USH2A: variants seen among roughly 807,000 people sequenced by gnomAD.
USH2A encodes Usher syndrome 2A (autosomal recessive, mild).
Under a neutral mutation model 538.9 loss-of-function variants are expected in USH2A, and 443 were observed. That is an observed-to-expected ratio of 0.82 (90% CI 0.76 to 0.89). The LOEUF (loss-of-function observed/expected upper bound fraction) is 0.89, where lower values mean the gene tolerates loss of function less well. Ranked by LOEUF, USH2A falls within the 40% of genes least tolerant of loss-of-function variation. The pLI is 0.00. For missense variants in USH2A, 6,633 were observed against 6,324.8 expected, an observed-to-expected ratio of 1.05 and a Z score of -1.65; for synonymous variants, 2,413 against 2,273.5, an observed-to-expected ratio of 1.06 and a Z score of -1.75.
At chr1:215,880,819 C>T (rs906091492) in intron 41 of USH2A, among the ~76,000 whole-genome samples, 4 of 152,214 alleles carry the variant, frequency 2.6e-5, no homozygotes, top group African/African-American at 7.2e-5. Context: ...ACCATTAATA[C>T]TTAGTCCTTG....
intron 11 of USH2A, among the ~76,000 whole-genome samples, chr1:216,259,035 C>T (rs1399795160): frequency 1.3e-5 from 2 of 152,038 alleles, no homozygotes; most frequent in Non-Finnish European, 2.9e-5. Flanking sequence ...GCTTACTATA[C>T]CAGGGAAATG....
At chr1:216,268,583 T>A (rs1007657147) in intron 11 of USH2A, among the ~76,000 whole-genome samples, 6 of 152,144 alleles carry the variant, frequency 3.9e-5, no homozygotes, top group Non-Finnish European at 8.8e-5. Context: ...TTGATGGATG[T>A]GGGGCAGTAC....
chr1:216,007,719 A>G (rs1668441677), intron 32 of USH2A, among the ~76,000 whole-genome samples: 1 of 152,226 alleles, frequency 6.6e-6, no homozygotes. Context: ...CTCAATAGTT[A>G]TCCCTTTGCA....
chr1:215,919,500 C>T (rs1381965374), intron 38 of USH2A, among the ~76,000 whole-genome samples: 1 of 151,750 alleles, frequency 6.6e-6, no homozygotes, highest in Non-Finnish European at 1.5e-5. Context: ...GAACCAAGTC[C>T]CACTGATCTT....
intron 61 of USH2A, among the ~76,000 whole-genome samples, chr1:215,705,993 A>G (rs1381081454): frequency 6.6e-6 from 1 of 152,210 alleles, no homozygotes; most frequent in African/African-American, 2.4e-5. Flanking sequence ...CAAGTACTTT[A>G]TGTATATTAA....
rs547756893 is a variant in USH2A, at chr1:216,247,040, T to G, written c.2354A>C (p.Tyr785Ser). 1 of 1,614,030 alleles carries G rather than the reference T, an allele frequency of 6.2e-7. No individual in the cohort carries two copies. The highest frequency in any genetic ancestry group is 2.2e-5 in the East Asian group (1 of 44,852). The change falls in exon 13 of 72, where the codon TAT becomes TCT. Residue 785 changes from tyrosine (Y) to serine (S), a missense_variant. By Grantham distance (144) the Tyr-to-Ser change is moderately radical. Transcript: ENST00000307340. ...LQCDTCRENFYGLDVTNCKAC... is the reference protein window; with the variant it reads ...LQCDTCRENFSGLDVTNCKAC... Reference sequence around the variant, plus strand: ...CTTACAATTGGTGACATCTAACCCATAAAAGTTTTCTCTGCAGGTGTCACA... The same window carrying G: ...CTTACAATTGGTGACATCTAACCCAGAAAAGTTTTCTCTGCAGGTGTCACA...
intron 49 of USH2A, among the ~76,000 whole-genome samples, chr1:215,805,493 TC>T (rs763071449): frequency 4.6e-5 from 7 of 151,982 alleles, no homozygotes; most frequent in Non-Finnish European, 8.8e-5. Context: ...ATAAAAGAGC[TC>T]TAGAGATGGA....
intron 37 of USH2A, among the ~76,000 whole-genome samples, chr1:215,951,223 G>A (rs2102440895): frequency 6.6e-6 from 1 of 152,126 alleles, no homozygotes; most frequent in East Asian, 1.9e-4. Context: ...ACACTGCTTT[G>A]AATGTGTCCC....
intron 63 of USH2A, among the ~76,000 whole-genome samples, chr1:215,673,791 C>A (rs140524216): frequency 2.0e-5 from 3 of 152,248 alleles, no homozygotes; most frequent in African/African-American, 7.2e-5. Context: ...TGTCCAGGGG[C>A]CTGCGTATTT....
At chr1:216,283,086 T>A (rs1258012339) in intron 11 of USH2A, among the ~76,000 whole-genome samples, 1 of 152,168 alleles carries the variant, frequency 6.6e-6, no homozygotes, top group African/African-American at 2.4e-5. Flanking sequence ...TTTATTAGGT[T>A]TTTTTCTGTT....
chr1:216,123,398 T>C (rs1039791936), intron 21 of USH2A, among the ~76,000 whole-genome samples: 1 of 152,214 alleles, frequency 6.6e-6, no homozygotes, highest in African/African-American at 2.4e-5. Context: ...AGCTAGTTGA[T>C]TAATGTTATC....
intron 20 of USH2A, among the ~76,000 whole-genome samples, chr1:216,179,132 G>A (rs1366061542): frequency 1.3e-5 from 2 of 152,038 alleles, no homozygotes; most frequent in African/African-American, 2.4e-5. Context: ...AGATAATGTT[G>A]AAGCTCAGCA....
chr1:216,086,164 T>C (rs1374440789), intron 24 of USH2A, among the ~76,000 whole-genome samples: 1 of 152,138 alleles, frequency 6.6e-6, no homozygotes, highest in Non-Finnish European at 1.5e-5. Flanking sequence ...TATGCTCTTG[T>C]TCTAAAAATA....
At chr1:216,154,905 T>C (rs1482244822) in intron 21 of USH2A, among the ~76,000 whole-genome samples, 1 of 151,184 alleles carries the variant, frequency 6.6e-6, no homozygotes, top group African/African-American at 2.4e-5. Flanking sequence ...GCCAGCCTTT[T>C]GTATGTACAA....
At chr1:216,217,336 C>A in intron 15 of USH2A, 51 bp downstream of exon 15, 3 of 1,604,928 alleles carry the variant, frequency 1.9e-6, no homozygotes, top group South Asian at 1.1e-5. Flanking sequence ...GAGATGCAGT[C>A]CCCTGTATGA....
intron 38 of USH2A, among the ~76,000 whole-genome samples, chr1:215,926,927 T>A (rs909566436): frequency 1.3e-5 from 2 of 152,070 alleles, no homozygotes; most frequent in Non-Finnish European, 2.9e-5. Context: ...TATTCTTATC[T>A]GACTTGCCAG....
At chr1:216,217,019 C>A (rs2035354872) in intron 15 of USH2A, among the ~76,000 whole-genome samples, 1 of 151,982 alleles carries the variant, frequency 6.6e-6, no homozygotes, top group African/African-American at 2.4e-5. Flanking sequence ...CTGGAAATGT[C>A]TTTGTGTCGG....
intron 49 of USH2A, among the ~76,000 whole-genome samples, chr1:215,809,391 T>C (rs1446025643): frequency 6.6e-6 from 1 of 151,978 alleles, no homozygotes; most frequent in Non-Finnish European, 1.5e-5. Flanking sequence ...TTGGTTTAGA[T>C]ATTTTAGCTA....
At chr1:215,690,370 C>T (rs562877271) in intron 61 of USH2A, among the ~76,000 whole-genome samples, 20 of 152,280 alleles carry the variant, frequency 1.3e-4, no homozygotes, top group Admixed American at 9.2e-4. Flanking sequence ...CTCTCCTCCC[C>T]AAATCTTCAC....
Sources: allele counts gnomAD v4.1 joint callset (sites outside exome capture counted in the v4.1 genomes callset), GRCh38; gene constraint gnomAD v4.1.1; transcripts MANE v1.5; gene names NCBI Gene and HGNC (gene_info 2026-07-23, HGNC 2026-07-21).